SORCS2: variants seen among roughly 807,000 people sequenced by gnomAD.
SORCS2 encodes VPS10 domain-containing receptor SorCS2.
In SORCS2, 100 loss-of-function variants were observed where a neutral mutation model predicts 141.6. The observed-to-expected ratio is 0.71, with a 90% CI of 0.60 to 0.83. The LOEUF is 0.83. Ranked by LOEUF, SORCS2 falls within the 40% of genes least tolerant of loss-of-function variation. The pLI is 0.00. For missense variants in SORCS2, 1,646 were observed against 1,560.2 expected (o/e 1.05, Z -0.93); for synonymous variants, 789 against 676.9 (o/e 1.17, Z -2.57).
intron 2 of SORCS2, among the ~76,000 whole-genome samples, chr4:7,519,685 G>A (rs746220108): frequency 6.6e-6 from 1 of 152,208 alleles, no homozygotes; most frequent in Non-Finnish European, 1.5e-5. Flanking sequence ...GGAGCAACCT[G>A]CTTCCTTAGC....
At chr4:7,298,804 T>A (rs1717244662) in intron 1 of SORCS2, among the ~76,000 whole-genome samples, 1 of 152,234 alleles carries the variant, frequency 6.6e-6, no homozygotes, top group Non-Finnish European at 1.5e-5. Flanking sequence ...GGCCGGGTGC[T>A]GGGCCCCTGT....
chr4:7,242,702 G>A (rs550189401), intron 1 of SORCS2, among the ~76,000 whole-genome samples: 3 of 152,312 alleles, frequency 2.0e-5, no homozygotes, highest in African/African-American at 7.2e-5. Context: ...TTTGGGTGAA[G>A]CTTTCCCAGC....
chr4:7,404,846 CT>C (rs1270469562), intron 2 of SORCS2, among the ~76,000 whole-genome samples: 1 of 152,014 alleles, frequency 6.6e-6, no homozygotes, highest in Non-Finnish European at 1.5e-5. Context: ...TGTGTGGAAG[CT>C]TTTCAGTTTA....
At chr4:7,208,866 C>G (rs1727895614) in intron 1 of SORCS2, among the ~76,000 whole-genome samples, 1 of 152,230 alleles carries the variant, frequency 6.6e-6, no homozygotes, top group African/African-American at 2.4e-5. Context: ...GTTTGCAAGG[C>G]CAGCCTGGTC....
chr4:7,192,863 G>A lies in SORCS2; in HGVS notation c.217G>A (p.Ala73Thr), dbSNP rs1039738941. Residue 73 changes from alanine to threonine, a missense_variant, in exon 1 of 27, where the codon GCG becomes ACG. Ala to Thr is a moderately conservative substitution (Grantham distance 58). Transcript: ENST00000507866. This position sits in a 1 kb window ranked among gnomAD's most constrained non-coding sequence, Gnocchi z 4.0. ...GACCCGGGTGCCGCGGAGCCCTCCC[G>A]CGGGGCGCGCGGAGCCCGGTGGCGG... Reference protein sequence around the residue: ...QLTRVPRSPPAGRAEPGGGED... With the variant: ...QLTRVPRSPPTGRAEPGGGED... The A allele has an allele frequency of 9.6e-5, 102 of 1,064,138 alleles. No homozygotes were observed. Among genetic ancestry groups the A allele is most frequent in the Admixed American group, 6.5e-4 (12 of 18,418 alleles). 65.9% of individuals were successfully genotyped at this position (1,064,138 alleles called of 1,614,324 possible).
chr4:7,446,846 C>A (rs1728034525), intron 2 of SORCS2, among the ~76,000 whole-genome samples: 1 of 152,248 alleles, frequency 6.6e-6, no homozygotes, highest in Admixed American at 6.5e-5. Flanking sequence ...GGAGAAACCA[C>A]TAAGCCATTG....
intron 12 of SORCS2, among the ~76,000 whole-genome samples, chr4:7,699,998 G>A (rs528427302): frequency 7.9e-4 from 120 of 152,304 alleles, no homozygotes; most frequent in Non-Finnish European, 1.4e-3. Context: ...AGCCTTAGGT[G>A]TCACACCGGC....
intron 1 of SORCS2, among the ~76,000 whole-genome samples, chr4:7,371,362 G>A (rs768549143): frequency 3.9e-5 from 6 of 152,146 alleles, no homozygotes; most frequent in Non-Finnish European, 7.3e-5. Flanking sequence ...GAACCTTGCC[G>A]CACTCCCCTG....
rs527784204 is a variant in SORCS2, at chr4:7,219,788, T to C, written c.480+26662T>C. On this transcript the variant is annotated intron_variant, in intron 1 of 26. Transcript: ENST00000507866. ...TTTGGGTGGGGACACAGCCAAACCA[T>C]ATCAGGCTGGGAATTTGGAGGGCCT... Among the ~76,000 whole-genome samples, 71 of 151,210 alleles carry C rather than the reference T, an allele frequency of 4.7e-4. 1 individual carries two copies. The highest frequency in any genetic ancestry group is 8.8e-4 in the Non-Finnish European group (60 of 67,856).
At chr4:7,577,538 C>A (rs188340544) in intron 3 of SORCS2, among the ~76,000 whole-genome samples, 2 of 135,082 alleles carry the variant, frequency 1.5e-5, no homozygotes, top group African/African-American at 5.7e-5. Flanking sequence ...AGCATACAGG[C>A]GAAGTCAGCT....
At chr4:7,616,935 C>T (rs2108819643) in intron 3 of SORCS2, among the ~76,000 whole-genome samples, 1 of 152,298 alleles carries the variant, frequency 6.6e-6, no homozygotes, top group Middle Eastern at 3.4e-3. Context: ...CACAGCCCCA[C>T]AAGGCCCCTG....
intron 2 of SORCS2, among the ~76,000 whole-genome samples, chr4:7,469,744 G>A (rs562148855): frequency 1.3e-5 from 2 of 152,148 alleles, no homozygotes; most frequent in East Asian, 3.9e-4. Flanking sequence ...AAGCTCCCCA[G>A]GTGATTCCAA....
Position 7,638,343 on chromosome 4 carries a change from T to C in SORCS2, c.664T>C (p.Ser222Pro). The change falls in exon 4 of 27, where the codon TCC (serine) becomes CCC (proline). Residue 222 changes from serine to proline, a missense_variant. Coordinates refer to ENST00000507866, the MANE Select transcript of SORCS2 (RefSeq NM_020777.3). ...TGTGTTTCAGGTCATCCTTGTCAGC[T>C]CCTCACTCAGTGACCGGGACCAGAG... ...TNKRKVILVS[S>P]SLSDRDQSLF... 1 of 1,511,194 alleles carries C rather than the reference T, an allele frequency of 6.6e-7. No individual in the cohort carries two copies. The highest frequency in any genetic ancestry group is 1.8e-4 in the Middle Eastern group (1 of 5,590). 93.6% of individuals were successfully genotyped at this position (1,511,194 alleles called of 1,614,324 possible).
Position 7,734,336 on chromosome 4 carries a change from C to A in SORCS2, c.3273C>A (p.Leu1091=). The A allele has an allele frequency of 6.3e-7, 1 of 1,593,626 alleles. No homozygotes were observed. Among genetic ancestry groups the A allele is most frequent in the East Asian group, 2.3e-5 (1 of 44,158 alleles). ...TAGTGGTGCTGTTTGTCATCGGGCT[C>A]TTCGCAGCGGGAGCCTTCATCCTCT... The part of the protein sequence containing the change: ...WAVVVLFVIG[L]FAAGAFILYK... Residue 1091 remains leucine, a synonymous_variant, in exon 25 of 27, where the codon CTC becomes CTA. Transcript: ENST00000507866.
chr4:7,309,481 G>C (rs954029964), intron 1 of SORCS2, among the ~76,000 whole-genome samples: 2 of 152,074 alleles, frequency 1.3e-5, no homozygotes, highest in African/African-American at 4.8e-5. Context: ...TTGAGCAGAG[G>C]GGCCTGGTTG....
intron 2 of SORCS2, among the ~76,000 whole-genome samples, chr4:7,518,573 G>T (rs1455110932): frequency 6.6e-6 from 1 of 152,186 alleles, no homozygotes; most frequent in Non-Finnish European, 1.5e-5. Flanking sequence ...GTTTTAGAGT[G>T]GTTTCCATCC....
intron 1 of SORCS2, among the ~76,000 whole-genome samples, chr4:7,392,898 C>T (rs1310331275): frequency 5.1e-5 from 7 of 137,768 alleles, no homozygotes; most frequent in African/African-American, 1.8e-4. Flanking sequence ...CCCTCCCAGT[C>T]GGGGGGGGGG....
At chr4:7,272,013 G>T (rs55837291) in intron 1 of SORCS2, among the ~76,000 whole-genome samples, 15,944 of 152,192 alleles carry the variant, frequency 0.1, 2,512 homozygotes, top group African/African-American at 0.34. Flanking sequence ...ATATGGGAAG[G>T]GTGTGTGTGC....
In SORCS2 at chr4:7,717,935, C is replaced by A. The variant is rs1048236200; in HGVS notation, c.2253-77C>A. The A allele has an allele frequency of 6.3e-6, 9 of 1,427,104 alleles. No individual in the cohort carries two copies. In the African/African-American group the frequency reaches 1.2e-4, roughly 19 times the overall value. The allele number at this position is 1,427,104 out of a possible 1,614,324, so 88.4% of individuals were successfully genotyped here. On this transcript the variant is annotated intron_variant, in intron 17 of 26. Coordinates refer to ENST00000507866, the MANE Select transcript of SORCS2 (RefSeq NM_020777.3). ...AAGTGCCACCTCTGGGTGGCAAGCA[C>A]GTCCCTCCCCAGACTATGGGGCCCC...
Sources: allele counts gnomAD v4.1 joint callset (sites outside exome capture counted in the v4.1 genomes callset), GRCh38; gene constraint gnomAD v4.1.1; non-coding constraint Gnocchi (gnomAD v3.1); transcripts MANE v1.5; gene names NCBI Gene and HGNC (gene_info 2026-07-23, HGNC 2026-07-21).